Variants in DBF4B observed in about 807,000 individuals in gnomAD.
DBF4B encodes protein DBF4 homolog B.
Under a neutral mutation model 53.4 loss-of-function variants are expected in DBF4B, and 49 were observed. The observed-to-expected ratio is 0.92, with a 90% CI of 0.73 to 1.16. The LOEUF is 1.16. Ranked by LOEUF, DBF4B falls within the 50% of genes most tolerant of loss-of-function variation. DBF4B has a pLI of 0.00. For missense variants in DBF4B, 692 were observed against 775.0 expected (o/e 0.89, Z 1.27); for synonymous variants, 257 against 288.7 (o/e 0.89, Z 1.11).
intron 6 of DBF4B, chr17:44,732,593 C>T (rs559846963): frequency 9.3e-5 from 22 of 235,956 alleles, no homozygotes; most frequent in African/African-American, 3.9e-4. Flanking sequence ...ACTGGCCAGG[C>T]GAGGTGGCTC....
intron 11 of DBF4B, 79 bp from the exon 12 acceptor site, chr17:44,747,312 T>C: frequency 6.2e-7 from 1 of 1,601,534 alleles, no homozygotes; most frequent in Non-Finnish European, 8.5e-7. Context: ...GGCCAGAGCA[T>C]GGGCTGGGAG....
At position 44,726,991 on chromosome 17, in the gene DBF4B, C is replaced by T. The variant is rs369246297; in HGVS notation, c.226-2914C>T. On this transcript the variant is annotated intron_variant, in intron 3 of 13. Coordinates refer to ENST00000315005, the MANE Select transcript of DBF4B (RefSeq NM_145663.3). ...GTATGCGCCTGTAATCCCAGCTACT[C>T]GGGAGGCTGAGGCAGGAGAATTGCT... 1.2e-4 allele frequency among the ~76,000 whole-genome samples: 18 copies of T among 147,124 alleles called. No individual in the cohort carries two copies. In the East Asian group the frequency reaches 1.9e-3, roughly 15 times the overall value.
At chr17:44,731,071 C>T (rs1974794206) in intron 5 of DBF4B, 56 bp downstream of exon 5, 1 of 1,600,772 alleles carries the variant, frequency 6.2e-7, no homozygotes, top group East Asian at 2.2e-5. Flanking sequence ...GGAGGGATTT[C>T]ACTCTTCTTC....
At chr17:44,709,895 C>T (rs1333964053) in intron 2 of DBF4B, among the ~76,000 whole-genome samples, 2 of 151,446 alleles carry the variant, frequency 1.3e-5, no homozygotes, top group Non-Finnish European at 2.9e-5. Flanking sequence ...TCTAGTTGGC[C>T]GGGCGCGGCT....
intron 3 of DBF4B, among the ~76,000 whole-genome samples, chr17:44,723,341 A>C (rs139776209): frequency 0.011 from 1,625 of 152,240 alleles, 36 homozygotes; most frequent in African/African-American, 0.037. Context: ...TCCTGACCTC[A>C]TGATCTGCCA....
chr17:44,747,034 C>G lies in DBF4B; in HGVS notation c.831-49C>G, dbSNP rs4793144. On this transcript the variant is annotated intron_variant, in intron 10 of 13. Transcript: ENST00000315005. ...AGGCTCTAAGTAGTGGCTCCTCCCC[C>G]CAAGGGCCCCAGCAGTAACCACTTT... The G allele has an allele frequency of 1.4e-3, 2,233 of 1,566,920 alleles. 11 individuals are homozygous for G. The highest frequency in any genetic ancestry group is 0.013 in the African/African-American group (955 of 74,030).
chr17:44,750,246 G>A (rs1372244634), intron 13 of DBF4B: 1 of 1,039,386 alleles, frequency 9.6e-7, no homozygotes, highest in African/African-American at 1.7e-5. Flanking sequence ...TCGATTCTCT[G>A]GCCACTTTTT....
intron 2 of DBF4B, chr17:44,720,392 G>T: frequency 4.6e-6 from 1 of 217,514 alleles, no homozygotes; most frequent in East Asian, 1.2e-4. Flanking sequence ...ACTTCTTCCT[G>T]GACGTGGTCT....
At position 44,730,072 on chromosome 17, in the gene DBF4B, G is replaced by C; in HGVS notation, c.393G>C (p.Arg131Ser). The change falls in exon 4 of 14, where the codon AGG (arginine) becomes AGC (serine). Residue 131 changes from arginine (R) to serine (S), a missense_variant. Arg to Ser is a moderately radical substitution (Grantham distance 110). This residue lies in a region of DBF4B where 597 missense variants were observed against 665.8 expected (regional missense o/e 0.90). Coordinates refer to ENST00000315005, the MANE Select transcript of DBF4B (RefSeq NM_145663.3). ...TTGATCCAAAAGGCAGCCACCCCAG[G>C]CCTTCACGGAAACCCGTTGACTCGG... The part of the protein sequence containing the change: ...AMVDPKGSHP[R>S]PSRKPVDSVP... The C allele has an allele frequency of 6.2e-7, 1 of 1,612,644 alleles. No individual in the cohort carries two copies. Among genetic ancestry groups the C allele is most frequent in the African/African-American group, 1.3e-5 (1 of 74,988 alleles).
intron 2 of DBF4B, among the ~76,000 whole-genome samples, chr17:44,715,822 T>C (rs949457545): frequency 3.2e-5 from 4 of 124,696 alleles, no homozygotes; most frequent in South Asian, 3.0e-4. Context: ...CTTTTTTTTT[T>C]TTTTTTTTTT....
chr17:44,736,390 C>T (rs550346239), intron 7 of DBF4B, among the ~76,000 whole-genome samples: 2 of 152,152 alleles, frequency 1.3e-5, no homozygotes, highest in African/African-American at 4.8e-5. Flanking sequence ...AAATGGCTAT[C>T]GTCTTTATCC....
At position 44,750,062 on chromosome 17, in the gene DBF4B, C is replaced by T. The variant is rs1265525860; in HGVS notation, c.1190-533C>T. The stretch of plus-strand genomic sequence containing the variant: ...CCCTCTGGGACCCCTCTCGCCCCTT[C>T]TCTGCCTCCTCAGCTTGAGCTGCCT... On this transcript the variant is annotated intron_variant, in intron 13 of 13. Transcript: ENST00000315005. 9.0e-6 allele frequency: 9 copies of T among 999,970 alleles called. No individual in the cohort carries two copies. The South Asian group carries it at 2.2e-4, about 25-fold the overall frequency. The allele number at this position is 999,970 out of a possible 1,614,324, so 61.9% of individuals were successfully genotyped here.
intron 2 of DBF4B, among the ~76,000 whole-genome samples, chr17:44,718,299 T>C: frequency 6.6e-6 from 1 of 151,774 alleles, no homozygotes; most frequent in South Asian, 2.1e-4. Context: ...GGTGTGCGCC[T>C]GTAGTCCCAG....
rs1555549232 is a variant in DBF4B at position 44,749,265 on chromosome 17, A to AACCCAG, written c.1189+800_1189+801insACCCAG. Reference sequence around the variant, plus strand: ...TCCCTGTCTCCCAGCCCTGGTCCCAACCCCAGCCCCAGCCCCAGCCCCATG... The same window carrying AACCCAG: ...TCCCTGTCTCCCAGCCCTGGTCCCAAACCCAGCCCCAGCCCCAGCCCCAGCCCCATG... On this transcript the variant is annotated intron_variant, in intron 13 of 13. Transcript: ENST00000315005. This position sits in a 1 kb window ranked among gnomAD's most constrained non-coding sequence, Gnocchi z 4.4. 1.9e-5 allele frequency: 24 copies of AACCCAG among 1,290,006 alleles called. No homozygotes were observed. The highest frequency in any genetic ancestry group is 2.4e-5 in the Non-Finnish European group (24 of 988,774). The allele number at this position is 1,290,006 out of a possible 1,614,324, so 79.9% of individuals were successfully genotyped here.
In DBF4B at chr17:44,708,917, G is replaced by C. The variant is rs565804913; in HGVS notation, c.19+78G>C. 1.9e-4 allele frequency: 296 copies of C among 1,533,134 alleles called. 4 individuals carry two copies. In the East Asian group the frequency reaches 7.1e-3, roughly 37 times the overall value. The allele number at this position is 1,533,134 out of a possible 1,614,324, so 95.0% of individuals were successfully genotyped here. A position where few individuals can be genotyped will look rare whatever the true frequency, so the allele number is the denominator to read the frequency against. On this transcript the variant is annotated intron_variant, in intron 1 of 13. Transcript: ENST00000315005. ...GAGGCGAGGTGCGGAGTCGTGGAGG[G>C]GGCTTAGGAAGTGACCAGCGGGTAG... is the stretch of plus-strand genomic sequence containing the variant.
Position 44,751,675 on chromosome 17 carries a change from C to G in DBF4B, c.*422C>G. On this transcript the variant is annotated 3_prime_UTR_variant, in exon 14 of 14. Coordinates refer to ENST00000315005, the MANE Select transcript of DBF4B (RefSeq NM_145663.3). ...GGCTCCCACCTTCTGTTCTCTGGCTCCTTCCTGCGGTCTATACCTACCGCC... is the reference window on the plus strand; with the variant it reads ...GGCTCCCACCTTCTGTTCTCTGGCTGCTTCCTGCGGTCTATACCTACCGCC... 1 of 1,402,036 alleles carries G rather than the reference C, an allele frequency of 7.1e-7. No individual in the cohort carries two copies. The highest frequency in any genetic ancestry group is 2.6e-5 in the East Asian group (1 of 37,904). 86.8% of individuals were successfully genotyped at this position (1,402,036 alleles called of 1,614,324 possible). A position where few individuals can be genotyped will look rare whatever the true frequency, so the allele number is the denominator to read the frequency against.
At position 44,749,952 on chromosome 17, in the gene DBF4B, C is replaced by T. The variant is rs2049236935; in HGVS notation, c.1190-643C>T. ...TGAAGCAGAGGAGGGGCTTGGGCTG[C>T]ACCACTCACAGAGCTCCCTCCCCCA... On this transcript the variant is annotated intron_variant, in intron 13 of 13. Transcript: ENST00000315005. This position sits in a 1 kb window ranked among gnomAD's most constrained non-coding sequence, Gnocchi z 4.4. The T allele has an allele frequency of 2.0e-6, 2 of 1,012,376 alleles. No homozygotes were observed. Among genetic ancestry groups the T allele is most frequent in the Non-Finnish European group, 2.4e-6 (2 of 845,556 alleles). 62.7% of individuals were successfully genotyped at this position (1,012,376 alleles called of 1,614,324 possible).
At chr17:44,717,065 A>C (rs370336745) in intron 2 of DBF4B, among the ~76,000 whole-genome samples, 1 of 152,144 alleles carries the variant, frequency 6.6e-6, no homozygotes, top group East Asian at 1.9e-4. Context: ...TTCCACATTT[A>C]TGCAGAAGCC....
chr17:44,751,328 G>A lies in DBF4B; in HGVS notation c.*75G>A, dbSNP rs2049274758. 1.3e-6 allele frequency: 2 copies of A among 1,522,210 alleles called. No individual in the cohort carries two copies. Among genetic ancestry groups the A allele is most frequent in the African/African-American group, 1.4e-5 (1 of 72,990 alleles). The allele number at this position is 1,522,210 out of a possible 1,614,324, so 94.3% of individuals were successfully genotyped here. On this transcript the variant is annotated 3_prime_UTR_variant, in exon 14 of 14. Coordinates refer to ENST00000315005, the MANE Select transcript of DBF4B (RefSeq NM_145663.3). ...TTGATGTGAATGAGGTCCCGCAGTG[G>A]CTCCTTGGCGTGAGCACTGCTCAGA...
Sources: gnomAD v4.1 joint callset for allele counts (sites outside exome capture counted in the v4.1 genomes callset) on GRCh38, gnomAD v4.1.1 for gene constraint, gnomAD v4.1.1 regional missense constraint, Gnocchi (gnomAD v3.1) non-coding constraint, MANE v1.5 for transcripts, NCBI Gene and HGNC (gene_info 2026-07-23, HGNC 2026-07-21) for gene names.